Variants in TANC2 observed in about 807,000 individuals in gnomAD.
The protein encoded by TANC2 is protein TANC2.
In TANC2, 26 loss-of-function variants were observed where a neutral mutation model predicts 210.5. The ratio of observed to expected loss-of-function variants is 0.12; its 90% CI spans 0.09 to 0.17. The LOEUF (loss-of-function observed/expected upper bound fraction) is 0.17. Ranked by LOEUF, TANC2 falls within the 10% of genes least tolerant of loss-of-function variation. The pLI, the probability that TANC2 is intolerant of heterozygous loss-of-function variation, is 1.00. For synonymous variants in TANC2, 931 were observed against 967.1 expected (o/e 0.96, Z 0.69); for missense variants, 2,129 against 2,608.9 (o/e 0.82, Z 4.01).
intron 14 of TANC2, among the ~76,000 whole-genome samples, chr17:63,361,208 G>A (rs993945733): frequency 2.0e-5 from 3 of 152,174 alleles, no homozygotes; most frequent in East Asian, 1.9e-4. Context: ...GATCTTTGGG[G>A]TGTTGCTTTG....
chr17:63,418,554 A>G lies in TANC2; in HGVS notation c.4268+147A>G, dbSNP rs181318340. On this transcript the variant is annotated intron_variant, in intron 27 of 27. Coordinates refer to ENST00000689528, the Ensembl canonical transcript of TANC2. The surrounding 1 kb of genome is among the most constrained non-coding windows in gnomAD (Gnocchi z 4.6). ...GCCAAGCTTTGGGGATGGCTCCCAT[A>G]GCACAGCCCTCAGCTCAAGATCAGC... 909 of 691,618 alleles carry G rather than the reference A, an allele frequency of 1.3e-3. 17 individuals carry two copies. The Admixed American group carries it at 0.022, about 17-fold the overall frequency. 42.8% of individuals were successfully genotyped at this position (691,618 alleles called of 1,614,324 possible). A position where few individuals can be genotyped will look rare whatever the true frequency, so the allele number is the denominator to read the frequency against.
intron 15 of TANC2, among the ~76,000 whole-genome samples, chr17:63,386,288 T>C (rs2047777210): frequency 6.6e-6 from 1 of 152,196 alleles, no homozygotes; most frequent in Non-Finnish European, 1.5e-5. Context: ...TTTTAGTTCC[T>C]TTTTTTAGCT....
chr17:63,333,149 T>G (rs1598875154), intron 11 of TANC2, among the ~76,000 whole-genome samples: 1 of 152,158 alleles, frequency 6.6e-6, no homozygotes, highest in Admixed American at 6.6e-5. Flanking sequence ...AAGAAATACT[T>G]TTCATGAGGC....
chr17:63,425,410 C>T (rs1268529584), exon 28 of TANC2: 1 of 152,074 alleles, frequency 6.6e-6, no homozygotes, highest in East Asian at 1.9e-4. Flanking sequence ...TTTATGAGCC[C>T]CTCTCTAAAT....
chr17:63,078,202 G>A (rs989850218), intron 3 of TANC2, among the ~76,000 whole-genome samples: 6 of 152,086 alleles, frequency 3.9e-5, no homozygotes, highest in Admixed American at 6.6e-5. Context: ...ATAAATATAG[G>A]ACTATTAAAA....
intron 2 of TANC2, among the ~76,000 whole-genome samples, chr17:63,048,382 T>G (rs558202346): frequency 1.3e-5 from 2 of 152,222 alleles, no homozygotes; most frequent in African/African-American, 4.8e-5. Flanking sequence ...TGACTGTTCA[T>G]GTTTCCCTCC....
chr17:63,269,376 T>C (rs2043627386), intron 9 of TANC2, among the ~76,000 whole-genome samples: 3 of 152,096 alleles, frequency 2.0e-5, no homozygotes, highest in South Asian at 4.1e-4. Flanking sequence ...AAAGTCTGAA[T>C]AAAGTTGATC....
chr17:63,391,551 A>T (rs1471791174), intron 17 of TANC2: 1 of 152,118 alleles, frequency 6.6e-6, no homozygotes, highest in Non-Finnish European at 1.5e-5. Flanking sequence ...GTCTCTTTTA[A>T]TCTTATATAG....
intron 1 of TANC2, among the ~76,000 whole-genome samples, chr17:62,989,158 G>A (rs939492660): frequency 6.6e-6 from 1 of 152,244 alleles, no homozygotes; most frequent in East Asian, 1.9e-4. Context: ...ACGGACTGAT[G>A]CTTCTTTTAG....
chr17:63,387,124 A>G (rs910122805), intron 15 of TANC2, among the ~76,000 whole-genome samples: 1 of 152,196 alleles, frequency 6.6e-6, no homozygotes, highest in African/African-American at 2.4e-5. Flanking sequence ...TGCTGGGATT[A>G]CAGACATGTA....
chr17:63,004,766 AT>A lies in TANC2; in HGVS notation c.-23-4767del, dbSNP rs1323560951. On this transcript the variant is annotated intron_variant, in intron 1 of 27. Coordinates refer to ENST00000689528, the Ensembl canonical transcript of TANC2. ...GTGCCTGCTCTGTTTTGGCATTTCC[AT>A]TTTCTGCAGGGTTATTCCCCTTACC... is the stretch of plus-strand genomic sequence containing the variant. 6.5e-5 allele frequency: 22 copies of A among 338,888 alleles called. 1 individual carries two copies. Among genetic ancestry groups the A allele is most frequent in the Non-Finnish European group, 9.2e-5 (16 of 174,496 alleles). The allele number at this position is 338,888 out of a possible 1,614,324, so 21.0% of individuals were successfully genotyped here. A position where few individuals can be genotyped will look rare whatever the true frequency, so the allele number is the denominator to read the frequency against.
At chr17:63,323,022 G>T (rs2045544684) in intron 11 of TANC2, among the ~76,000 whole-genome samples, 3 of 152,202 alleles carry the variant, frequency 2.0e-5, no homozygotes, top group Non-Finnish European at 4.4e-5. Context: ...GCTTAAAACT[G>T]AATGTTATCC....
chr17:63,273,177 T>C (rs1206926845), intron 9 of TANC2, among the ~76,000 whole-genome samples: 2 of 152,040 alleles, frequency 1.3e-5, no homozygotes, highest in African/African-American at 4.8e-5. Context: ...TCCTAGCTAC[T>C]CAGGAGGCAG....
intron 6 of TANC2, among the ~76,000 whole-genome samples, chr17:63,196,799 A>T (rs2041360291): frequency 6.6e-6 from 1 of 152,154 alleles, no homozygotes; most frequent in Admixed American, 6.5e-5. Flanking sequence ...CAATTATTGT[A>T]CTAATTGTTT....
intron 20 of TANC2, 83 bp downstream of exon 20, chr17:63,405,338 CAAGTA>C (rs2048469499): frequency 7.1e-7 from 1 of 1,410,066 alleles, no homozygotes; most frequent in South Asian, 1.6e-5. Context: ...AAAATGATCA[CAAGTA>C]AAGTTTGGGT....
intron 1 of TANC2, among the ~76,000 whole-genome samples, chr17:62,969,730 TACAC>T (rs373080851): frequency 0.028 from 4,213 of 151,790 alleles, 70 homozygotes; most frequent in Non-Finnish European, 0.038. Flanking sequence ...TACACATTCA[TACAC>T]ACACACACAG....
intron 14 of TANC2, among the ~76,000 whole-genome samples, chr17:63,375,866 G>T (rs2047407858): frequency 6.6e-6 from 1 of 152,132 alleles, no homozygotes; most frequent in South Asian, 2.1e-4. Flanking sequence ...GAGGTGGCCA[G>T]ATCATGAGAT....
intron 5 of TANC2, chr17:63,154,198 G>T (rs1028053275): frequency 6.6e-6 from 1 of 152,124 alleles, no homozygotes; most frequent in African/African-American, 2.4e-5. Context: ...CGGGAATTGT[G>T]TGTGTTAATT....
chr17:63,023,372 ATGTG>A (rs2034428251), intron 2 of TANC2, among the ~76,000 whole-genome samples: 1 of 151,820 alleles, frequency 6.6e-6, no homozygotes, highest in South Asian at 2.1e-4. Context: ...GTGTGTGTGT[ATGTG>A]TGTATTTTTT....
Sources: allele counts gnomAD v4.1 joint callset (sites outside exome capture counted in the v4.1 genomes callset), GRCh38; gene constraint gnomAD v4.1.1; non-coding constraint Gnocchi (gnomAD v3.1); transcripts MANE v1.5; gene names NCBI Gene and HGNC (gene_info 2026-07-23, HGNC 2026-07-21).